SLIT3: variants seen among roughly 807,000 people sequenced by gnomAD.
SLIT3 encodes slit guidance ligand 3, also known as slit homolog 3 protein.
In SLIT3, 68 loss-of-function variants were observed where a neutral mutation model predicts 184.0. That is an observed-to-expected ratio of 0.37 (90% confidence interval 0.30 to 0.45). The LOEUF (loss-of-function observed/expected upper bound fraction) is 0.45, where lower values mean the gene tolerates loss of function less well. Ranked by LOEUF, SLIT3 falls within the 20% of genes least tolerant of loss-of-function variation. The pLI is 1.00. For synonymous variants in SLIT3, 831 were observed against 828.6 expected (o/e 1.00, Z -0.05); for missense variants, 1,707 against 2,026.0 (o/e 0.84, Z 3.02).
intron 4 of SLIT3, among the ~76,000 whole-genome samples, chr5:169,113,050 T>C (rs1461470274): frequency 6.6e-6 from 1 of 152,174 alleles, no homozygotes; most frequent in Non-Finnish European, 1.5e-5. Context: ...TATTTTTCAT[T>C]GTGGTGAAGT....
At chr5:168,981,454 C>A (rs1209203657) in intron 4 of SLIT3, among the ~76,000 whole-genome samples, 3 of 152,148 alleles carry the variant, frequency 2.0e-5, no homozygotes, top group African/African-American at 7.2e-5. Context: ...AGCAGTAGCA[C>A]CAATGCATGT....
At chr5:168,734,044 G>T (rs924660755) in intron 20 of SLIT3, among the ~76,000 whole-genome samples, 3 of 152,110 alleles carry the variant, frequency 2.0e-5, no homozygotes, top group African/African-American at 7.2e-5. Flanking sequence ...AAGGTAGGAG[G>T]GTGCTGAGGG....
At chr5:169,025,151 A>T (rs1238067412) in intron 4 of SLIT3, among the ~76,000 whole-genome samples, 1 of 152,152 alleles carries the variant, frequency 6.6e-6, no homozygotes, top group Non-Finnish European at 1.5e-5. Flanking sequence ...ACCTTTCTGG[A>T]TATGGTTCTG....
At chr5:168,975,880 C>G (rs1581261300) in intron 4 of SLIT3, among the ~76,000 whole-genome samples, 1 of 152,174 alleles carries the variant, frequency 6.6e-6, no homozygotes, top group Non-Finnish European at 1.5e-5. Context: ...CCTGATCTCA[C>G]TCCCACCCAT....
rs372140383 is a variant in SLIT3, at chr5:168,949,380, G to A, written c.414-66044C>T. On this transcript the variant is annotated intron_variant, in intron 4 of 35. Transcript: ENST00000519560. ...TCCATGAAGTTCATATCTGTGGTATGTCATACACATGTGGTTCCATGAAAT... is the reference window on the plus strand; with the variant it reads ...TCCATGAAGTTCATATCTGTGGTATATCATACACATGTGGTTCCATGAAAT... 3.3e-5 allele frequency among the ~76,000 whole-genome samples: 5 copies of A among 152,276 alleles called. No homozygotes were observed. In the East Asian group the frequency reaches 9.7e-4, roughly 29 times the overall value.
At chr5:168,787,989 G>A (rs1756219940) in intron 11 of SLIT3, among the ~76,000 whole-genome samples, 1 of 151,428 alleles carries the variant, frequency 6.6e-6, no homozygotes, top group Non-Finnish European at 1.5e-5. Context: ...TCGGGAGTGA[G>A]AGGTGCTTCA....
chr5:169,148,936 G>A (rs1240995317), intron 4 of SLIT3, among the ~76,000 whole-genome samples: 9 of 151,762 alleles, frequency 5.9e-5, no homozygotes, highest in African/African-American at 1.2e-4. Context: ...TATCCCAGAC[G>A]CTGTGCTCAG....
intron 5 of SLIT3, among the ~76,000 whole-genome samples, chr5:168,845,288 G>C (rs967847883): frequency 5.9e-5 from 9 of 152,042 alleles, no homozygotes; most frequent in Non-Finnish European, 1.0e-4. Flanking sequence ...ATTGTTACGG[G>C]GCCCATCTGG....
At chr5:169,038,004 T>C (rs1757315711) in intron 4 of SLIT3, 1 of 152,274 alleles carries the variant, frequency 6.6e-6, no homozygotes, top group Non-Finnish European at 1.5e-5. Context: ...CTTCAGTATG[T>C]GTCTATCCTA....
At chr5:169,135,820 T>C (rs1390292263) in intron 4 of SLIT3, among the ~76,000 whole-genome samples, 2 of 152,184 alleles carry the variant, frequency 1.3e-5, no homozygotes, top group African/African-American at 4.8e-5. Context: ...TCACCACCAA[T>C]GGCAGGCCAG....
intron 8 of SLIT3, among the ~76,000 whole-genome samples, chr5:168,811,838 A>T (rs2113644500): frequency 6.6e-6 from 1 of 152,356 alleles, no homozygotes. Flanking sequence ...CAGAAGTACC[A>T]TATTCAACAA....
Position 169,300,883 on chromosome 5 carries a change from G to GGGC in SLIT3, c.-177_-175dup, listed in dbSNP as rs1163208163. The GGGC allele has an allele frequency of 2.0e-4, 89 of 439,440 alleles. No individual in the cohort carries two copies. The highest frequency in any genetic ancestry group is 6.5e-4 in the African/African-American group (31 of 47,548). The allele number at this position is 439,440 out of a possible 1,614,324, so 27.2% of individuals were successfully genotyped here. On this transcript the variant is annotated 5_prime_UTR_variant, in exon 1 of 36. Coordinates refer to ENST00000519560, the MANE Select transcript of SLIT3 (RefSeq NM_003062.4). The surrounding 1 kb of genome is among the most constrained non-coding windows in gnomAD (Gnocchi z 4.1). ...GGGCGCGGGCGGAGCGGGGCGCTCC[G>GGGC]GGCGGCGGCGGCGGCAGCAACAGCA...
At chr5:169,142,897 GA>G (rs565365753) in intron 4 of SLIT3, among the ~76,000 whole-genome samples, 142 of 152,340 alleles carry the variant, frequency 9.3e-4, no homozygotes, top group Middle Eastern at 3.4e-3. Flanking sequence ...GGAGCTGGAA[GA>G]GAATGTTTCT....
chr5:169,105,175 G>C (rs1256172037), intron 4 of SLIT3, among the ~76,000 whole-genome samples: 1 of 152,098 alleles, frequency 6.6e-6, no homozygotes, highest in Non-Finnish European at 1.5e-5. Context: ...TGGGTTCAGG[G>C]TTTCTTTTAT....
At chr5:169,187,555 C>CTTTTTTTTTTTTTTTT (rs796812191) in intron 4 of SLIT3, among the ~76,000 whole-genome samples, 1 of 89,048 alleles carries the variant, frequency 1.1e-5, no homozygotes, top group African/African-American at 5.3e-5. Flanking sequence ...TTCTTTCTTT[C>CTTTTTTTTTTTTTTTT]TTTCTTTTTT....
chr5:169,172,063 G>T (rs967761421), intron 4 of SLIT3, among the ~76,000 whole-genome samples: 5 of 152,200 alleles, frequency 3.3e-5, no homozygotes, highest in African/African-American at 1.2e-4. Flanking sequence ...AGGGGGATAA[G>T]AAAGCCTCGG....
intron 9 of SLIT3, among the ~76,000 whole-genome samples, chr5:168,797,448 C>T (rs1427979413): frequency 6.6e-6 from 1 of 152,224 alleles, no homozygotes; most frequent in African/African-American, 2.4e-5. Flanking sequence ...AGAGGATCCA[C>T]TGCTCCCAAC....
intron 4 of SLIT3, among the ~76,000 whole-genome samples, chr5:168,930,621 T>C (rs946654025): frequency 1.3e-5 from 2 of 152,096 alleles, no homozygotes; most frequent in Non-Finnish European, 2.9e-5. Context: ...TAATAGGTAC[T>C]CAATGAATAC....
At chr5:169,113,646 T>TTTTTTC (rs1235609656) in intron 4 of SLIT3, among the ~76,000 whole-genome samples, 9 of 151,108 alleles carry the variant, frequency 6.0e-5, no homozygotes, top group Admixed American at 1.3e-4. Context: ...ATCATGCCTT[T>TTTTTTC]TTTTTCTTTT....
Sources: gnomAD v4.1 joint callset for allele counts (sites outside exome capture counted in the v4.1 genomes callset) on GRCh38, gnomAD v4.1.1 for gene constraint, Gnocchi (gnomAD v3.1) non-coding constraint, MANE v1.5 for transcripts, NCBI Gene and HGNC (gene_info 2026-07-23, HGNC 2026-07-21) for gene names.